Variants in CDR2L observed in about 807,000 individuals in gnomAD.
CDR2L encodes cerebellar degeneration-related protein 2-like.
A neutral mutation model predicts 36.1 loss-of-function variants in CDR2L; 19 were observed. The observed-to-expected ratio is 0.53, with a 90% CI of 0.37 to 0.77. The LOEUF (loss-of-function observed/expected upper bound fraction) is 0.77. Among genes scored for constraint, CDR2L ranks in the 30% least tolerant of loss-of-function variants. The pLI is 0.00. For synonymous variants in CDR2L, 285 were observed against 280.4 expected (o/e 1.02, Z -0.16); for missense variants, 575 against 627.2 (o/e 0.92, Z 0.89).
chr17:74,991,728 A>AAAG (rs1555635543), intron 1 of CDR2L, among the ~76,000 whole-genome samples: 8 of 151,560 alleles, frequency 5.3e-5, no homozygotes, highest in South Asian at 2.1e-4. Flanking sequence ...AAAAAAGAAA[A>AAAG]AAAGAAAGAA....
At chr17:74,997,095 T>TGAGACTGAGTC (rs2039833385) in intron 1 of CDR2L, among the ~76,000 whole-genome samples, 1 of 140,210 alleles carries the variant, frequency 7.1e-6, no homozygotes, top group Non-Finnish European at 1.5e-5. Flanking sequence ...TTTTTTTTTT[T>TGAGACTGAGTC]TGAGACTGAG....
rs1190482620 is a variant in CDR2L, at chr17:74,987,823, G to A, written c.-221G>A. ...ACCCTTTGTGTCGCCGCAGCCCGGT[G>A]CCCCCGGCTCTGCGGGACCCCGGCC... On this transcript the variant is annotated 5_prime_UTR_variant, in exon 1 of 5. Transcript: ENST00000337231. 1 of 243,374 alleles carries A rather than the reference G, an allele frequency of 4.1e-6. No individual in the cohort carries two copies. Among genetic ancestry groups the A allele is most frequent in the Non-Finnish European group, 7.8e-6 (1 of 127,850 alleles). 15.1% of individuals were successfully genotyped at this position (243,374 alleles called of 1,614,324 possible).
chr17:75,003,363 G>A lies in CDR2L; in HGVS notation c.687G>A (p.Glu229=), dbSNP rs1275316612. ...CCGCGGTGCTGCAGGAGTACTCGGA[G>A]CTGGAGCGCCAGCTGTGCGAGATGG... ...EYTAVLQEYS[E]LERQLCEMEA... The change falls in exon 5 of 5, where the codon GAG becomes GAA. Residue 229 remains glutamate (E), a synonymous_variant. Coordinates refer to ENST00000337231, the MANE Select transcript of CDR2L (RefSeq NM_014603.3). The A allele has an allele frequency of 3.2e-6, 5 of 1,558,622 alleles. No individual in the cohort carries two copies. Among genetic ancestry groups the A allele is most frequent in the African/African-American group, 2.7e-5 (2 of 73,374 alleles).
rs779409722 is a variant in CDR2L at position 75,001,430 on chromosome 17, G to A, written c.282G>A (p.Leu94=). Residue 94 remains leucine, a synonymous_variant, in exon 3 of 5, where the codon CTG becomes CTA. Coordinates refer to ENST00000337231, the MANE Select transcript of CDR2L (RefSeq NM_014603.3). The part of the protein sequence containing the change: ...YEQLDLTARD[L]ELTNHRLVLE... ...AGCTGGACCTGACAGCCCGGGACCTGGAGCTGACCAACCACAGGCTGGTGC... is the reference window on the plus strand; with the variant it reads ...AGCTGGACCTGACAGCCCGGGACCTAGAGCTGACCAACCACAGGCTGGTGC... The A allele has an allele frequency of 1.9e-6, 3 of 1,606,866 alleles. No homozygotes were observed. The Admixed American group carries it at 5.1e-5, about 27-fold the overall frequency.
intron 1 of CDR2L, among the ~76,000 whole-genome samples, chr17:74,990,736 C>G (rs1248013037): frequency 6.6e-6 from 1 of 152,208 alleles, no homozygotes; most frequent in Non-Finnish European, 1.5e-5. Flanking sequence ...TTCCCGTGGG[C>G]CCTGCCCGCC....
At chr17:74,999,881 G>A (rs1183723034) in intron 2 of CDR2L, among the ~76,000 whole-genome samples, 1 of 151,792 alleles carries the variant, frequency 6.6e-6, no homozygotes, top group Non-Finnish European at 1.5e-5. Flanking sequence ...GAGCTCAAGT[G>A]ATCCTCCCAC....
intron 1 of CDR2L, among the ~76,000 whole-genome samples, chr17:74,992,169 G>A (rs896658034): frequency 2.0e-5 from 3 of 152,010 alleles, no homozygotes; most frequent in African/African-American, 7.3e-5. Flanking sequence ...TGGAATCTGT[G>A]GTGCCCGAGC....
Position 75,003,939 on chromosome 17 carries a change from C to G in CDR2L, c.1263C>G (p.His421Gln), listed in dbSNP as rs118188471. The G allele has an allele frequency of 1.9e-4, 307 of 1,610,876 alleles. 2 individuals carry two copies. In the South Asian group the frequency reaches 2.1e-3, roughly 11 times the overall value. The change falls in exon 5 of 5, where the codon CAC becomes CAG. Residue 421 changes from histidine to glutamine, a missense_variant. Physicochemically the swap from His to Gln is conservative, Grantham distance 24. Transcript: ENST00000337231. ...VKAGEKSLSQ[H>Q]VEAVDKRLEQ... ...CAGGAGAGAAGAGCCTGAGCCAGCACGTGGAGGCCGTGGACAAGCGGCTGG... is the reference window on the plus strand; with the variant it reads ...CAGGAGAGAAGAGCCTGAGCCAGCAGGTGGAGGCCGTGGACAAGCGGCTGG...
At chr17:75,001,889 C>T (rs562537417) in intron 3 of CDR2L, among the ~76,000 whole-genome samples, 175 bp from the exon 4 acceptor site, 50 of 152,280 alleles carry the variant, frequency 3.3e-4, no homozygotes, top group Non-Finnish European at 6.0e-4. Flanking sequence ...AAAAGAAGGG[C>T]GGGTCCTTGG....
rs577974523 is a variant in CDR2L at position 74,999,821 on chromosome 17, T to A, written c.192+205T>A. Among the ~76,000 whole-genome samples, 41 of 144,356 alleles carry A rather than the reference T, an allele frequency of 2.8e-4. 2 individuals carry two copies. Among genetic ancestry groups the A allele is most frequent in the African/African-American group, 9.8e-4 (39 of 39,864 alleles). The allele number at this position is 144,356 out of a possible 152,430, so 94.7% of individuals were successfully genotyped here. A position where few individuals can be genotyped will look rare whatever the true frequency, so the allele number is the denominator to read the frequency against. ...TGCACAACTAGATTTTTTTTTTTTTTAAATAGACACCAAGTCTCACCATGT... is the reference window on the plus strand; with the variant it reads ...TGCACAACTAGATTTTTTTTTTTTTAAAATAGACACCAAGTCTCACCATGT... On this transcript the variant is annotated intron_variant, in intron 2 of 4. Coordinates refer to ENST00000337231, the MANE Select transcript of CDR2L (RefSeq NM_014603.3).
intron 3 of CDR2L, 151 bp from the exon 4 acceptor site, chr17:75,001,913 T>C: frequency 3.0e-6 from 2 of 658,884 alleles, no homozygotes; most frequent in South Asian, 4.5e-5. Context: ...TGCATAGAAT[T>C]CCCCATCCTA....
rs770807905 is a variant in CDR2L, at chr17:75,002,050, C to T, written c.342-14C>T. On this transcript the variant is annotated splice_polypyrimidine_tract_variant and intron_variant, in intron 3 of 4. Transcript: ENST00000337231. This position sits in a 1 kb window ranked among gnomAD's most constrained non-coding sequence, Gnocchi z 4.1. The stretch of plus-strand genomic sequence containing the variant: ...CCCCTTAAAGTCCCTGTGTGTCCAC[C>T]ACCCCGCCCCCAGGCTGACGGAGAC... 14 of 1,555,038 alleles carry T rather than the reference C, an allele frequency of 9.0e-6. No homozygotes were observed. Among genetic ancestry groups the T allele is most frequent in the South Asian group, 1.2e-5 (1 of 82,130 alleles).
At chr17:74,999,269 T>C (rs577266978) in intron 1 of CDR2L, among the ~76,000 whole-genome samples, 1 of 147,464 alleles carries the variant, frequency 6.8e-6, no homozygotes, top group African/African-American at 2.5e-5. Context: ...CTATTTTTGT[T>C]TGTTTTTTAT....
In CDR2L at chr17:75,002,294, C is replaced by T; in HGVS notation, c.506+66C>T. The T allele has an allele frequency of 7.1e-7, 1 of 1,414,588 alleles. No individual in the cohort carries two copies. Among genetic ancestry groups the T allele is most frequent in the Non-Finnish European group, 9.7e-7 (1 of 1,031,850 alleles). The allele number at this position is 1,414,588 out of a possible 1,614,324, so 87.6% of individuals were successfully genotyped here. ...CATGGGAGGAAGGAGAGGCAGCAGG[C>T]AGCAGGGTGCAGTTGGTGCATCATC... is the stretch of plus-strand genomic sequence containing the variant. On this transcript the variant is annotated intron_variant, in intron 4 of 4. Transcript: ENST00000337231. This position sits in a 1 kb window ranked among gnomAD's most constrained non-coding sequence, Gnocchi z 4.1.
chr17:74,988,204 C>A, intron 1 of CDR2L, 82 bp downstream of exon 1: 4 of 1,069,460 alleles, frequency 3.7e-6, no homozygotes, highest in South Asian at 3.3e-5. Context: ...GGCGCTATCA[C>A]CCCGGGAGGG....
At chr17:74,999,653 G>T in intron 2 of CDR2L, 37 bp downstream of exon 2, 1 of 1,336,768 alleles carries the variant, frequency 7.5e-7, no homozygotes, top group Non-Finnish European at 1.0e-6. Flanking sequence ...CACCCCTCGA[G>T]GGCCCCTTGG....
intron 1 of CDR2L, among the ~76,000 whole-genome samples, chr17:74,995,831 C>T (rs2039821510): frequency 6.6e-6 from 1 of 152,114 alleles, no homozygotes. Context: ...CCTTTCTGTA[C>T]TGTTTGATTT....
Position 75,003,815 on chromosome 17 carries a change from G to T in CDR2L, c.1139G>T (p.Gly380Val). ...AGCAAGTGCCGGCAGCACGGGGCCG[G>T]AGTGCGGCACGCCGGCGTGCAGACC... ...LLSKCRQHGA[G>V]VRHAGVQTSR... The change falls in exon 5 of 5, where the codon GGA (glycine) becomes GTA (valine). Residue 380 changes from glycine (G) to valine (V), a missense_variant. Gly to Val is a moderately radical substitution (Grantham distance 109). Coordinates refer to ENST00000337231, the MANE Select transcript of CDR2L (RefSeq NM_014603.3). The T allele has an allele frequency of 1.9e-6, 3 of 1,553,174 alleles. No homozygotes were observed. The highest frequency in any genetic ancestry group is 2.0e-5 in the Admixed American group (1 of 50,948).
At chr17:74,988,268 G>A in intron 1 of CDR2L, 146 bp downstream of exon 1, 1 of 518,164 alleles carries the variant, frequency 1.9e-6, no homozygotes, top group Non-Finnish European at 3.3e-6. Flanking sequence ...CTGGAGAACC[G>A]GGACGTGGAG....
Sources: gnomAD v4.1 joint callset for allele counts (sites outside exome capture counted in the v4.1 genomes callset) on GRCh38, gnomAD v4.1.1 for gene constraint, Gnocchi (gnomAD v3.1) non-coding constraint, MANE v1.5 for transcripts, NCBI Gene and HGNC (gene_info 2026-07-23, HGNC 2026-07-21) for gene names.